Variants in UNC13A observed in about 807,000 individuals in gnomAD.
The protein encoded by UNC13A is protein unc-13 homolog A.
In UNC13A, 61 loss-of-function variants were observed where a neutral mutation model predicts 219.7. The ratio of observed to expected loss-of-function variants is 0.28; its 90% CI spans 0.23 to 0.34. The LOEUF is 0.34. UNC13A is among the 10% of genes least tolerant of loss of function. The pLI, the probability that UNC13A is intolerant of heterozygous loss-of-function variation, is 1.00. For missense variants in UNC13A, 1,476 were observed against 2,270.3 expected (o/e 0.65, Z 7.11); for synonymous variants, 920 against 884.6 (o/e 1.04, Z -0.71).
At chr19:17,635,403 A>G (rs777147499) in intron 26 of UNC13A, among the ~76,000 whole-genome samples, 20 of 152,348 alleles carry the variant, frequency 1.3e-4, no homozygotes, top group Non-Finnish European at 2.5e-4. Flanking sequence ...CCAAAGCTAG[A>G]GTCCTCTCTA....
In UNC13A at chr19:17,641,400, C is replaced by T; in HGVS notation, c.2629G>A (p.Ala877Thr). The part of the protein sequence containing the change: ...MRYGVESIYQ[A>T]MTHFACLSSK... ...CCCAGCCTGCAGTCTCACGTCATGG[C>T]TTGGTAGATGGACTCGACGCCGTAG... Residue 877 changes from alanine to threonine, a missense_variant, in exon 21 of 44, where the codon GCC becomes ACC. By Grantham distance (58) the Ala-to-Thr change is moderately conservative. Around this residue, in one of 14 missense-constraint regions of UNC13A, gnomAD observed 140 missense variants for 270.9 expected, o/e 0.52. Coordinates refer to ENST00000519716, the MANE Select transcript of UNC13A (RefSeq NM_001080421.3). The T allele has an allele frequency of 1.2e-6, 2 of 1,613,942 alleles. No individual in the cohort carries two copies. The highest frequency in any genetic ancestry group is 1.7e-6 in the Non-Finnish European group (2 of 1,179,894).
chr19:17,630,826 C>G (rs2076835334), intron 28 of UNC13A, 76 bp from the exon 29 acceptor site: 1 of 1,366,266 alleles, frequency 7.3e-7, no homozygotes, highest in African/African-American at 1.4e-5. Context: ...TTCTGACCCA[C>G]TAACGAGTGG....
At position 17,627,758 on chromosome 19, in the gene UNC13A, G is replaced by T; in HGVS notation, c.3831+105C>A. ...CTGGGTTTAAGGCCATGGTTGAGCT[G>T]GAATTCATCCCCAGGCCTGGTGGCA... On this transcript the variant is annotated intron_variant, in intron 32 of 43. Transcript: ENST00000519716. The surrounding 1 kb of genome is among the most constrained non-coding windows in gnomAD (Gnocchi z 4.7). 2 of 1,361,478 alleles carry T rather than the reference G, an allele frequency of 1.5e-6. No homozygotes were observed. Among genetic ancestry groups the T allele is most frequent in the Non-Finnish European group, 2.0e-6 (2 of 982,842 alleles). The allele number at this position is 1,361,478 out of a possible 1,614,324, so 84.3% of individuals were successfully genotyped here. A position where few individuals can be genotyped will look rare whatever the true frequency, so the allele number is the denominator to read the frequency against.
chr19:17,676,882 C>A (rs899302659), intron 1 of UNC13A, among the ~76,000 whole-genome samples: 3 of 152,106 alleles, frequency 2.0e-5, no homozygotes, highest in East Asian at 1.9e-4. Flanking sequence ...GGTGTGGTGG[C>A]AGGCGCCTAT....
At chr19:17,631,167 CTCCCTCCCTCCTTTCCT>C (rs2076844248) in intron 28 of UNC13A, among the ~76,000 whole-genome samples, 5 of 27,138 alleles carry the variant, frequency 1.8e-4, no homozygotes, top group Non-Finnish European at 3.8e-4. Context: ...CCCTCCCTCC[CTCCCTCCCTCCTTTCCT>C]TCCTTCCCTC....
At chr19:17,647,131 G>A (rs535506752) in intron 17 of UNC13A, 134 bp downstream of exon 17, 309 of 809,364 alleles carry the variant, frequency 3.8e-4, no homozygotes, top group African/African-American at 1.9e-3. Context: ...GTGCACACAC[G>A]GAGATGAGAT....
intron 8 of UNC13A, among the ~76,000 whole-genome samples, chr19:17,662,147 G>T (rs1008937015): frequency 2.6e-5 from 4 of 151,946 alleles, no homozygotes; most frequent in Non-Finnish European, 2.9e-5. Context: ...GGAGGCTCAG[G>T]TACGAGAATC....
At chr19:17,628,343 A>AC (rs376742074) in intron 31 of UNC13A, 219 of 207,492 alleles carry the variant, frequency 1.1e-3, no homozygotes, top group African/African-American at 2.7e-3. Flanking sequence ...TACACACGAG[A>AC]CCCCCCCCAC....
intron 12 of UNC13A, 63 bp downstream of exon 12, chr19:17,652,568 G>A (rs1434267337): frequency 2.4e-5 from 39 of 1,607,868 alleles, no homozygotes; most frequent in South Asian, 4.4e-5. Flanking sequence ...AGGCTCAGGC[G>A]CAAACCAGCC....
At chr19:17,666,207 C>CTT (rs1487353724) in intron 7 of UNC13A, among the ~76,000 whole-genome samples, 2 of 149,126 alleles carry the variant, frequency 1.3e-5, no homozygotes, top group Non-Finnish European at 3.0e-5. Context: ...CTTTCTTTCT[C>CTT]TTTCTTTCCT....
Position 17,606,347 on chromosome 19 carries a change from T to C in UNC13A, c.4819A>G (p.Ser1607Gly), listed in dbSNP as rs2076529323. ...KYNESFQFTL[S>G]ADAGPECYEL... ...TAGCACTCGGGACCCGCGTCGGCGC[T>C]CAGCGTGCTGCGTGGGGAGGGGCGG... is the stretch of plus-strand genomic sequence containing the variant. Residue 1607 changes from serine (S) to glycine (G), a missense_variant, in exon 44 of 44, where the codon AGC (serine) becomes GGC (glycine). Transcript: ENST00000519716. The C allele has an allele frequency of 6.5e-7, 1 of 1,544,694 alleles. No homozygotes were observed. Among genetic ancestry groups the C allele is most frequent in the Non-Finnish European group, 8.7e-7 (1 of 1,147,086 alleles).
intron 41 of UNC13A, among the ~76,000 whole-genome samples, chr19:17,616,804 TC>T (rs1197811462): frequency 1.3e-5 from 2 of 151,898 alleles, no homozygotes; most frequent in Admixed American, 1.3e-4. Context: ...AGGGCTTTGC[TC>T]CCCTCGCCCC....
intron 25 of UNC13A, among the ~76,000 whole-genome samples, chr19:17,637,433 G>T (rs1045255698): frequency 3.9e-5 from 6 of 151,972 alleles, no homozygotes; most frequent in Non-Finnish European, 8.8e-5. Flanking sequence ...AAGTATCTGG[G>T]ACTACAGGTG....
rs560186470 is a variant in UNC13A, at chr19:17,623,146, A to C, written c.4203+396T>G. On this transcript the variant is annotated intron_variant, in intron 36 of 43. Coordinates refer to ENST00000519716, the MANE Select transcript of UNC13A (RefSeq NM_001080421.3). The stretch of plus-strand genomic sequence containing the variant: ...CATTCTGGGAAGCTGCTGACAGTTC[A>C]GAGCCCAAAGAGGAGGTCAGAGGAA... 2.2e-4 allele frequency: 48 copies of C among 214,350 alleles called. No individual in the cohort carries two copies. In the East Asian group the frequency reaches 3.6e-3, roughly 16 times the overall value. 13.3% of individuals were successfully genotyped at this position (214,350 alleles called of 1,614,324 possible). A position where few individuals can be genotyped will look rare whatever the true frequency, so the allele number is the denominator to read the frequency against.
intron 8 of UNC13A, among the ~76,000 whole-genome samples, chr19:17,660,927 A>G (rs1043555326): frequency 2.0e-5 from 3 of 150,540 alleles, no homozygotes; most frequent in Non-Finnish European, 4.5e-5. Context: ...AATTGATTTT[A>G]TTTATTTATT....
Position 17,661,906 on chromosome 19 carries a change from C to T in UNC13A, c.559+1626G>A, listed in dbSNP as rs1171583881. Among the ~76,000 whole-genome samples the T allele has an allele frequency of 2.0e-5, 3 of 151,964 alleles. No individual in the cohort carries two copies. In the East Asian group the frequency reaches 5.8e-4, roughly 29 times the overall value. ...CAGTTGCTCCCCATCACTCACATTA[C>T]CGCCTGAGTTCCACCTCCTGTCAGA... On this transcript the variant is annotated intron_variant, in intron 8 of 43. Coordinates refer to ENST00000519716, the MANE Select transcript of UNC13A (RefSeq NM_001080421.3).
chr19:17,641,339 G>T, intron 21 of UNC13A, 54 bp downstream of exon 21: 1 of 1,592,368 alleles, frequency 6.3e-7, no homozygotes, highest in South Asian at 1.1e-5. Flanking sequence ...AGACCTGCCA[G>T]TGCCCACTTG....
intron 37 of UNC13A, among the ~76,000 whole-genome samples, chr19:17,621,387 T>C (rs1201790381): frequency 1.3e-5 from 2 of 152,130 alleles, no homozygotes; most frequent in Non-Finnish European, 2.9e-5. Flanking sequence ...TCTGCACAAG[T>C]GTACAGCAAG....
Position 17,640,198 on chromosome 19 carries a change from C to G in UNC13A, c.2788-290G>C, listed in dbSNP as rs551254778. Among the ~76,000 whole-genome samples the G allele has an allele frequency of 4.6e-5, 7 of 152,250 alleles. No homozygotes were observed. The South Asian group carries it at 1.5e-3, about 32-fold the overall frequency. On this transcript the variant is annotated intron_variant, in intron 22 of 43. Transcript: ENST00000519716. ...TACAGGCACAGGCCACCACACCCAG[C>G]TAATTTTCTTTTGGATTTTTAGAAG...
Sources: gnomAD v4.1 joint callset for allele counts (sites outside exome capture counted in the v4.1 genomes callset) on GRCh38, gnomAD v4.1.1 for gene constraint, gnomAD v4.1.1 regional missense constraint, Gnocchi (gnomAD v3.1) non-coding constraint, MANE v1.5 for transcripts, NCBI Gene and HGNC (gene_info 2026-07-23, HGNC 2026-07-21) for gene names.